SMCHD1: variants seen among roughly 807,000 people sequenced by gnomAD.
The protein encoded by SMCHD1 is structural maintenance of chromosomes flexible hinge domain containing 1.
Under a neutral mutation model 254.7 loss-of-function variants are expected in SMCHD1, and 78 were observed. The ratio of observed to expected loss-of-function variants is 0.31; its 90% CI spans 0.26 to 0.37. The LOEUF (loss-of-function observed/expected upper bound fraction) is 0.37. SMCHD1 is among the 10% of genes least tolerant of loss of function. The pLI, the probability that SMCHD1 is intolerant of heterozygous loss-of-function variation, is 1.00. For synonymous variants in SMCHD1, 766 were observed against 794.9 expected (o/e 0.96, Z 0.61); for missense variants, 1,840 against 2,408.1 (o/e 0.76, Z 4.94).
chr18:2,675,321 G>A (rs1052687639), intron 5 of SMCHD1, among the ~76,000 whole-genome samples: 15 of 143,022 alleles, frequency 1.0e-4, no homozygotes, highest in African/African-American at 4.1e-4. Flanking sequence ...CTGAAGTGCA[G>A]TTGTGCAATC....
chr18:2,690,410 T>C (rs542411594), intron 7 of SMCHD1, among the ~76,000 whole-genome samples: 30 of 152,204 alleles, frequency 2.0e-4, no homozygotes, highest in Non-Finnish European at 4.1e-4. Context: ...CATAACATCT[T>C]ACCTGAATTA....
intron 22 of SMCHD1, among the ~76,000 whole-genome samples, chr18:2,727,866 G>T (rs1003718358): frequency 3.9e-5 from 6 of 152,006 alleles, no homozygotes; most frequent in Non-Finnish European, 7.4e-5. Context: ...CTTGTTATCA[G>T]TATGTAGCAT....
At position 2,700,571 on chromosome 18, in the gene SMCHD1, T is replaced by G. The variant is rs2074379584; in HGVS notation, c.1375T>G (p.Phe459Val). 9.9e-6 allele frequency: 16 copies of G among 1,612,138 alleles called. No homozygotes were observed. The highest frequency in any genetic ancestry group is 1.4e-5 in the Non-Finnish European group (16 of 1,178,982). The change falls in exon 11 of 48, where the codon TTC becomes GTC. Residue 459 changes from phenylalanine (F) to valine (V), a missense_variant. Coordinates refer to ENST00000320876, the MANE Select transcript of SMCHD1 (RefSeq NM_015295.3). Reference sequence around the variant, plus strand: ...AGATGAAGATGATGAAGATGATTGTTTCATACTTGAGAAAGCAGCTAGAGG... The same window carrying G: ...AGATGAAGATGATGAAGATGATTGTGTCATACTTGAGAAAGCAGCTAGAGG... The part of the protein sequence containing the change: ...LKDEDDEDDC[F>V]ILEKAARGKR...
At chr18:2,714,305 T>A (rs2074747789) in intron 17 of SMCHD1, among the ~76,000 whole-genome samples, 1 of 152,226 alleles carries the variant, frequency 6.6e-6, no homozygotes, top group African/African-American at 2.4e-5. Flanking sequence ...TGCTCACTTT[T>A]GGTTTCTGTT....
chr18:2,747,479 C>T (rs1177041591), intron 29 of SMCHD1, 43 bp from the exon 30 acceptor site: 3 of 1,529,280 alleles, frequency 2.0e-6, no homozygotes, highest in Non-Finnish European at 2.7e-6. Context: ...ATTGTTTGGC[C>T]CATATATTTT....
intron 25 of SMCHD1, among the ~76,000 whole-genome samples, chr18:2,733,423 A>G (rs1424149268): frequency 6.6e-6 from 1 of 152,236 alleles, no homozygotes; most frequent in African/African-American, 2.4e-5. Flanking sequence ...AGCTTGATGA[A>G]GCAATGATTG....
At chr18:2,799,962 C>T (rs1180308636) in intron 47 of SMCHD1, among the ~76,000 whole-genome samples, 1 of 152,060 alleles carries the variant, frequency 6.6e-6, no homozygotes, top group Non-Finnish European at 1.5e-5. Context: ...AGAAAGATAA[C>T]TTGGAGCCCT....
chr18:2,660,095 G>A (rs1163233032), intron 1 of SMCHD1, among the ~76,000 whole-genome samples: 8 of 152,096 alleles, frequency 5.3e-5, no homozygotes, highest in Non-Finnish European at 7.3e-5. Context: ...AGGCCAAGGC[G>A]GGCGGATCAC....
intron 7 of SMCHD1, among the ~76,000 whole-genome samples, chr18:2,690,576 A>G (rs545560082): frequency 1.4e-5 from 2 of 144,330 alleles, no homozygotes; most frequent in Admixed American, 7.1e-5. Flanking sequence ...GGTTGAAGCA[A>G]TTCCCCTGCT....
chr18:2,693,189 T>TC (rs2143103727), intron 7 of SMCHD1, among the ~76,000 whole-genome samples: 1 of 152,354 alleles, frequency 6.6e-6, no homozygotes, highest in African/African-American at 2.4e-5. Context: ...CAACTTGATT[T>TC]CCTAGATAGA....
chr18:2,790,355 C>T (rs1240208687), intron 45 of SMCHD1, among the ~76,000 whole-genome samples: 2 of 152,136 alleles, frequency 1.3e-5, no homozygotes, highest in Admixed American at 6.5e-5. Flanking sequence ...GGAAAGACCA[C>T]GTTCATATAG....
intron 44 of SMCHD1, among the ~76,000 whole-genome samples, chr18:2,780,018 C>T (rs1311036659): frequency 2.0e-5 from 3 of 151,928 alleles, no homozygotes; most frequent in East Asian, 3.9e-4. Flanking sequence ...GGTAGGGGAT[C>T]ATTTGAGGTC....
At chr18:2,669,014 A>G (rs949448255) in intron 3 of SMCHD1, among the ~76,000 whole-genome samples, 36 of 151,558 alleles carry the variant, frequency 2.4e-4, no homozygotes, top group African/African-American at 8.2e-4. Context: ...GACTAGGACT[A>G]CAAGTGCATA....
At chr18:2,695,309 ATTT>A (rs35253416) in intron 8 of SMCHD1, among the ~76,000 whole-genome samples, 5 of 140,702 alleles carry the variant, frequency 3.6e-5, no homozygotes, top group East Asian at 2.0e-4. Context: ...CTAAAAAAAA[ATTT>A]TTTTTTTTTT....
chr18:2,672,349 C>T (rs2073631245), intron 3 of SMCHD1, among the ~76,000 whole-genome samples: 1 of 152,132 alleles, frequency 6.6e-6, no homozygotes, highest in Non-Finnish European at 1.5e-5. Context: ...GCCTCAGCCT[C>T]CCGAGTAGCT....
In SMCHD1 at chr18:2,763,653, A is replaced by T. The variant is rs1254684818; in HGVS notation, c.4583A>T (p.His1528Leu). Residue 1528 changes from histidine to leucine, a missense_variant, in exon 37 of 48, where the codon CAT becomes CTT. His to Leu is a moderately conservative substitution (Grantham distance 99, BLOSUM62 -3). This residue lies in a region of SMCHD1 where 881 missense variants were observed against 1,009.5 expected (regional missense o/e 0.87). Transcript: ENST00000320876. Reference protein sequence around the residue: ...HLSITDDYDNHTGIDLVGTII... With the variant: ...HLSITDDYDNLTGIDLVGTII... The stretch of plus-strand genomic sequence containing the variant: ...TGTTTTAAGGATGACTACGACAACC[A>T]TACTGGAATTGATTTGGTTGGCACT... 2 of 1,576,154 alleles carry T rather than the reference A, an allele frequency of 1.3e-6. No homozygotes were observed. The highest frequency in any genetic ancestry group is 1.7e-6 in the Non-Finnish European group (2 of 1,167,274).
At chr18:2,658,850 GTA>G in intron 1 of SMCHD1, among the ~76,000 whole-genome samples, 1 of 149,870 alleles carries the variant, frequency 6.7e-6, no homozygotes, top group Admixed American at 6.7e-5. Context: ...ATATGTATAT[GTA>G]TATATACATA....
chr18:2,678,647 A>G (rs1465913798), intron 5 of SMCHD1, among the ~76,000 whole-genome samples: 3 of 151,652 alleles, frequency 2.0e-5, no homozygotes, highest in Non-Finnish European at 2.9e-5. Flanking sequence ...AATTACCGCT[A>G]CCTTATTTTC....
At chr18:2,726,629 T>A in intron 22 of SMCHD1, 105 bp downstream of exon 22, 1 of 440,984 alleles carries the variant, frequency 2.3e-6, no homozygotes, top group Non-Finnish European at 3.9e-6. Flanking sequence ...GGTGTAAATC[T>A]TGAAAATACA....
Sources: gnomAD v4.1 joint callset for allele counts (sites outside exome capture counted in the v4.1 genomes callset) on GRCh38, gnomAD v4.1.1 for gene constraint, gnomAD v4.1.1 regional missense constraint, MANE v1.5 for transcripts, NCBI Gene and HGNC (gene_info 2026-07-23, HGNC 2026-07-21) for gene names.